ACLY: variants seen among roughly 807,000 people sequenced by gnomAD.
ACLY encodes the protein ATP citrate lyase.
Under a neutral mutation model 133.0 loss-of-function variants are expected in ACLY, and 41 were observed. The ratio of observed to expected loss-of-function variants is 0.31; its 90% CI spans 0.24 to 0.40. The LOEUF is 0.40. ACLY is among the 10% of genes least tolerant of loss of function. The probability of loss-of-function intolerance (pLI) is 1.00; values close to 1 mark genes in which losing one functional copy is unlikely to be tolerated. For synonymous variants in ACLY, 495 were observed against 549.3 expected (o/e 0.90, Z 1.38); for missense variants, 1,046 against 1,453.8 (o/e 0.72, Z 4.56).
At chr17:41,883,075 C>T (rs782814548) in intron 20 of ACLY, 47 bp downstream of exon 20, 8 of 1,511,732 alleles carry the variant, frequency 5.3e-6, no homozygotes, top group Non-Finnish European at 7.3e-6. Context: ...AATGCCCCCT[C>T]TTGCAATCCC....
At chr17:41,893,747 G>A (rs938358765) in intron 14 of ACLY, among the ~76,000 whole-genome samples, 11 of 152,210 alleles carry the variant, frequency 7.2e-5, no homozygotes, top group African/African-American at 2.4e-4. Context: ...CAGCCTTATC[G>A]CTAACTGTGG....
intron 28 of ACLY, among the ~76,000 whole-genome samples, chr17:41,868,167 G>A (rs1023000992): frequency 6.6e-5 from 10 of 152,026 alleles, no homozygotes; most frequent in Non-Finnish European, 1.0e-4. Context: ...GGCCGGGCAC[G>A]GTGGTTCACG....
chr17:41,905,724 T>C, intron 8 of ACLY, 66 bp from the exon 9 acceptor site: 2 of 1,595,992 alleles, frequency 1.3e-6, no homozygotes, highest in East Asian at 2.2e-5. Flanking sequence ...GCCTGGTGCC[T>C]GGGAGGACAC....
chr17:41,905,215 G>A (rs1598028865), intron 9 of ACLY, among the ~76,000 whole-genome samples: 1 of 152,140 alleles, frequency 6.6e-6, no homozygotes, highest in Admixed American at 6.5e-5. Flanking sequence ...AGAGTTTATC[G>A]CAATCGGATA....
Position 41,884,182 on chromosome 17 carries a change from A to T in ACLY, c.2154+11T>A. Reference sequence around the variant, plus strand: ...TTTAAAATCATAATTTTTTTTTTTAAAGTAACTCACCTCTCCAAGAACCAC... The same window carrying T: ...TTTAAAATCATAATTTTTTTTTTTATAGTAACTCACCTCTCCAAGAACCAC... On this transcript the variant is annotated intron_variant, in intron 19 of 28. Coordinates refer to ENST00000352035, the MANE Select transcript of ACLY (RefSeq NM_001096.3). 1 of 1,539,898 alleles carries T rather than the reference A, an allele frequency of 6.5e-7. No individual in the cohort carries two copies. Among genetic ancestry groups the T allele is most frequent in the Non-Finnish European group, 8.9e-7 (1 of 1,118,374 alleles).
In ACLY at chr17:41,894,830, C is replaced by A. The variant is rs1555630064; in HGVS notation, c.1460-1656G>T. On this transcript the variant is annotated intron_variant, in intron 14 of 28. Coordinates refer to ENST00000352035, the MANE Select transcript of ACLY (RefSeq NM_001096.3). ...CAGCCCTCAGGGAGGTTCTGAGCTCCCCTAGGAAGAATGATGCATCTAGCC... is the reference window on the plus strand; with the variant it reads ...CAGCCCTCAGGGAGGTTCTGAGCTCACCTAGGAAGAATGATGCATCTAGCC... Among the ~76,000 whole-genome samples, 6 of 152,188 alleles carry A rather than the reference C, an allele frequency of 3.9e-5. No homozygotes were observed. The South Asian group carries it at 1.2e-3, about 32-fold the overall frequency.
At chr17:41,875,858 C>T (rs1246791191) in intron 22 of ACLY, among the ~76,000 whole-genome samples, 8 of 152,116 alleles carry the variant, frequency 5.3e-5, no homozygotes, top group East Asian at 1.9e-4. Context: ...TCTGCCCGGC[C>T]GCCACCCCGT....
At chr17:41,905,294 G>A (rs1368962453) in intron 9 of ACLY, among the ~76,000 whole-genome samples, 2 of 152,184 alleles carry the variant, frequency 1.3e-5, no homozygotes, top group Non-Finnish European at 2.9e-5. Context: ...TGTTTGAAGG[G>A]CTTTATCACA....
At chr17:41,870,848 C>T (rs1226149875) in intron 25 of ACLY, 5 of 152,220 alleles carry the variant, frequency 3.3e-5, no homozygotes, top group Non-Finnish European at 7.3e-5. Flanking sequence ...CTTTAAGAGC[C>T]TGCACGTGGT....
intron 16 of ACLY, among the ~76,000 whole-genome samples, chr17:41,888,842 T>C (rs1555628704): frequency 6.6e-6 from 1 of 152,006 alleles, no homozygotes; most frequent in African/African-American, 2.4e-5. Flanking sequence ...CCCCTGGCTG[T>C]GCGCGGTGGC....
Position 41,887,590 on chromosome 17 carries a change from G to A in ACLY, c.1875+9C>T. 1 of 1,612,728 alleles carries A rather than the reference G, an allele frequency of 6.2e-7. No individual in the cohort carries two copies. The highest frequency in any genetic ancestry group is 1.7e-5 in the Admixed American group (1 of 59,994). ...CGAACGTAAAAGGCTTTCCGGAGGG[G>A]AAGCTCACAGTGGCAGGTCCGATGA... On this transcript the variant is annotated intron_variant, in intron 17 of 28. Coordinates refer to ENST00000352035, the MANE Select transcript of ACLY (RefSeq NM_001096.3).
At chr17:41,906,401 G>T in intron 8 of ACLY, 127 bp downstream of exon 8, 3 of 772,378 alleles carry the variant, frequency 3.9e-6, no homozygotes, top group Non-Finnish European at 6.6e-6. Flanking sequence ...AGCCCTCTGG[G>T]ATGCCACTGC....
At chr17:41,880,190 C>T (rs1277340771) in intron 20 of ACLY, among the ~76,000 whole-genome samples, 1 of 152,218 alleles carries the variant, frequency 6.6e-6, no homozygotes, top group Non-Finnish European at 1.5e-5. Context: ...CTCATTCAAT[C>T]TCAGTAGCTA....
chr17:41,871,351 CTT>C (rs550568825), intron 25 of ACLY, among the ~76,000 whole-genome samples: 13 of 139,154 alleles, frequency 9.3e-5, no homozygotes, highest in African/African-American at 1.0e-4. Flanking sequence ...ATCCATCCCA[CTT>C]TTTTTTTTTT....
chr17:41,924,436 C>T (rs1555635789), intron 1 of ACLY, among the ~76,000 whole-genome samples: 2 of 152,152 alleles, frequency 1.3e-5, no homozygotes, highest in African/African-American at 2.4e-5. Flanking sequence ...CGTGAGCCAC[C>T]GTGCCCGGCT....
chr17:41,899,638 TCTC>T (rs1327310213), intron 11 of ACLY, among the ~76,000 whole-genome samples: 3 of 152,162 alleles, frequency 2.0e-5, no homozygotes, highest in African/African-American at 7.2e-5. Flanking sequence ...CCTAGCATCT[TCTC>T]CTACTGTTTA....
intron 3 of ACLY, 124 bp downstream of exon 3, chr17:41,912,295 AC>A: frequency 1.5e-6 from 2 of 1,331,656 alleles, no homozygotes; most frequent in Non-Finnish European, 2.1e-6. Flanking sequence ...GCGCCACAGG[AC>A]TCCTGCCTTC....
At chr17:41,881,377 CGCACCACT>C (rs1454962784) in intron 20 of ACLY, among the ~76,000 whole-genome samples, 50 of 139,366 alleles carry the variant, frequency 3.6e-4, no homozygotes, top group Non-Finnish European at 6.4e-4. Flanking sequence ...GAGCTGAGAT[CGCACCACT>C]GCACTCCAGC....
chr17:41,921,845 G>A (rs1182378740), upstream of ACLY, among the ~76,000 whole-genome samples: 1 of 151,886 alleles, frequency 6.6e-6, no homozygotes, highest in Admixed American at 6.6e-5. Context: ...CACACCTGTA[G>A]TCCAAGCTAC....
Sources: allele counts gnomAD v4.1 joint callset (sites outside exome capture counted in the v4.1 genomes callset), GRCh38; gene constraint gnomAD v4.1.1; transcripts MANE v1.5; gene names NCBI Gene and HGNC (gene_info 2026-07-23, HGNC 2026-07-21).